Variants in ARFGEF3 observed in about 807,000 individuals in gnomAD.
ARFGEF3 encodes brefeldin A-inhibited guanine nucleotide-exchange protein 3.
A neutral mutation model predicts 221.7 loss-of-function variants in ARFGEF3; 96 were observed. The observed-to-expected ratio is 0.43, with a 90% CI of 0.37 to 0.51. The LOEUF (loss-of-function observed/expected upper bound fraction) is 0.51, where lower values mean the gene tolerates loss of function less well. ARFGEF3 is among the 20% of genes least tolerant of loss of function. The pLI is 0.00. For synonymous variants in ARFGEF3, 1,145 were observed against 1,126.8 expected, an observed-to-expected ratio of 1.02 and a Z score of -0.32; for missense variants, 2,410 against 2,789.9, an observed-to-expected ratio of 0.86 and a Z score of 3.07.
At chr6:138,304,960 C>G (rs1440879659) in intron 22 of ARFGEF3, among the ~76,000 whole-genome samples, 8 of 151,878 alleles carry the variant, frequency 5.3e-5, no homozygotes, top group Non-Finnish European at 1.2e-4. Context: ...AATTTTGCAA[C>G]TAATAGTATT....
In ARFGEF3 at chr6:138,295,627, C is replaced by CAAAAA. The variant is rs34138067; in HGVS notation, c.3503-1174_3503-1170dup. On this transcript the variant is annotated intron_variant, in intron 20 of 33. Coordinates refer to ENST00000251691, the MANE Select transcript of ARFGEF3 (RefSeq NM_020340.5). ...CCTGGGCGACAGAGTGAGACTCCCT[C>CAAAAA]AAAAAAAAAAAAAGAAAGAAAGAAA... Among the ~76,000 whole-genome samples the CAAAAA allele has an allele frequency of 2.1e-3, 260 of 126,064 alleles. 3 individuals carry two copies. Among genetic ancestry groups the CAAAAA allele is most frequent in the African/African-American group, 6.6e-3 (222 of 33,742 alleles). 82.7% of individuals were successfully genotyped at this position (126,064 alleles called of 152,430 possible).
At chr6:138,215,504 A>G (rs1422457156) in intron 4 of ARFGEF3, among the ~76,000 whole-genome samples, 3 of 152,228 alleles carry the variant, frequency 2.0e-5, no homozygotes, top group African/African-American at 4.8e-5. Flanking sequence ...TTTATGCACC[A>G]GACATATTGA....
At chr6:138,264,774 G>A (rs1434908548) in intron 12 of ARFGEF3, among the ~76,000 whole-genome samples, 1 of 152,106 alleles carries the variant, frequency 6.6e-6, no homozygotes, top group Non-Finnish European at 1.5e-5. Flanking sequence ...ACTGGAACTT[G>A]GTTAGAAGCT....
intron 22 of ARFGEF3, among the ~76,000 whole-genome samples, chr6:138,305,933 G>A (rs746423649): frequency 7.2e-5 from 11 of 152,088 alleles, no homozygotes; most frequent in Non-Finnish European, 1.3e-4. Flanking sequence ...TTTTTCTCTT[G>A]TAATCAGTAA....
At chr6:138,290,615 C>T (rs900327324) in intron 18 of ARFGEF3, among the ~76,000 whole-genome samples, 1 of 152,218 alleles carries the variant, frequency 6.6e-6, no homozygotes, top group African/African-American at 2.4e-5. Flanking sequence ...ACTGAAAGCA[C>T]GTCTCCCCAA....
intron 5 of ARFGEF3, among the ~76,000 whole-genome samples, chr6:138,233,893 C>T (rs1250634579): frequency 6.6e-6 from 1 of 152,132 alleles, no homozygotes; most frequent in Non-Finnish European, 1.5e-5. Context: ...GCCATGGAAG[C>T]AGGACCACGG....
rs1432154462 is a variant in ARFGEF3, at chr6:138,223,234, C to T, written c.352-6550C>T. Reference sequence around the variant, plus strand: ...TCACTGAATTTTCTGTTCTTGCTGCCGAATTTGACAGTAAAAAAAGAACTG... The same window carrying T: ...TCACTGAATTTTCTGTTCTTGCTGCTGAATTTGACAGTAAAAAAAGAACTG... On this transcript the variant is annotated intron_variant, in intron 4 of 33. Transcript: ENST00000251691. Among the ~76,000 whole-genome samples, 9 of 152,064 alleles carry T rather than the reference C, an allele frequency of 5.9e-5. No homozygotes were observed. In the South Asian group the frequency reaches 1.2e-3, roughly 21 times the overall value.
At chr6:138,310,002 G>A (rs546670500) in intron 24 of ARFGEF3, among the ~76,000 whole-genome samples, 1 of 152,190 alleles carries the variant, frequency 6.6e-6, no homozygotes, top group South Asian at 2.1e-4. Context: ...ATCCAGCCAA[G>A]TTGACATCTA....
intron 2 of ARFGEF3, among the ~76,000 whole-genome samples, chr6:138,198,975 C>A (rs1304279106): frequency 6.6e-6 from 1 of 152,212 alleles, no homozygotes; most frequent in Non-Finnish European, 1.5e-5. Context: ...CATGGCAGCA[C>A]ATGCCTGTAA....
At chr6:138,295,839 G>C (rs946282186) in intron 20 of ARFGEF3, among the ~76,000 whole-genome samples, 1 of 152,174 alleles carries the variant, frequency 6.6e-6, no homozygotes, top group Non-Finnish European at 1.5e-5. Context: ...CATGTGATAG[G>C]TCACACTGGA....
At chr6:138,304,189 G>T (rs968832642) in intron 22 of ARFGEF3, among the ~76,000 whole-genome samples, 4 of 152,272 alleles carry the variant, frequency 2.6e-5, no homozygotes, top group African/African-American at 9.6e-5. Flanking sequence ...ACTGATATAT[G>T]TACGACATGG....
At chr6:138,315,340 A>G (rs1271239095) in intron 26 of ARFGEF3, among the ~76,000 whole-genome samples, 1 of 152,154 alleles carries the variant, frequency 6.6e-6, no homozygotes, top group Non-Finnish European at 1.5e-5. Flanking sequence ...TCATGCTCAC[A>G]CCTTCTGTCT....
intron 33 of ARFGEF3, among the ~76,000 whole-genome samples, chr6:138,335,901 A>C (rs897606272): frequency 6.6e-6 from 1 of 152,208 alleles, no homozygotes; most frequent in Non-Finnish European, 1.5e-5. Flanking sequence ...GCACATAAAA[A>C]TTCTCATTCT....
At chr6:138,258,172 A>G (rs1778720870) in intron 10 of ARFGEF3, among the ~76,000 whole-genome samples, 3 of 151,920 alleles carry the variant, frequency 2.0e-5, no homozygotes, top group Admixed American at 6.6e-5. Context: ...TGCATTTTCC[A>G]TCACTTCCCT....
chr6:138,326,008 C>T (rs982447653), intron 31 of ARFGEF3, among the ~76,000 whole-genome samples: 1 of 152,026 alleles, frequency 6.6e-6, no homozygotes, highest in African/African-American at 2.4e-5. Flanking sequence ...AGGTGTGCAC[C>T]ACCACACCCA....
chr6:138,193,003 T>C (rs1482815896), intron 2 of ARFGEF3, among the ~76,000 whole-genome samples: 2 of 152,220 alleles, frequency 1.3e-5, no homozygotes, highest in African/African-American at 4.8e-5. Context: ...ACATTATTCC[T>C]TTGATTAAAA....
chr6:138,309,041 G>C (rs6903681), intron 24 of ARFGEF3, among the ~76,000 whole-genome samples, 180 bp downstream of exon 24: 36,629 of 152,106 alleles, frequency 0.24, 4,617 homozygotes, highest in East Asian at 0.46. Context: ...TGAATTTTGT[G>C]TAAGGTTGAT....
intron 4 of ARFGEF3, chr6:138,216,956 A>G (rs1438567408): frequency 6.6e-6 from 1 of 152,192 alleles, no homozygotes; most frequent in Non-Finnish European, 1.5e-5. Context: ...ATCTTTTTCT[A>G]CTTTGCAAAC....
chr6:138,194,012 G>A (rs527475587), intron 2 of ARFGEF3, among the ~76,000 whole-genome samples: 4 of 152,164 alleles, frequency 2.6e-5, no homozygotes, highest in African/African-American at 7.2e-5. Flanking sequence ...GGTGGCTCAC[G>A]CCTGTAATCC....
Sources: gnomAD v4.1 joint callset for allele counts (sites outside exome capture counted in the v4.1 genomes callset) on GRCh38, gnomAD v4.1.1 for gene constraint, MANE v1.5 for transcripts, NCBI Gene and HGNC (gene_info 2026-07-23, HGNC 2026-07-21) for gene names.